NLGN4Y: variants seen among roughly 807,000 people sequenced by gnomAD.
The protein encoded by NLGN4Y is neuroligin-4, Y-linked.
In NLGN4Y, 4 loss-of-function variants were observed where a neutral mutation model predicts 8.4. That is an observed-to-expected ratio of 0.48 (90% CI 0.23 to 1.09). NLGN4Y has a LOEUF of 1.09. Among genes scored for constraint, NLGN4Y ranks in the 50% least tolerant of loss-of-function variants. The pLI is 0.19. For missense variants in NLGN4Y, 90 were observed against 192.3 expected, an observed-to-expected ratio of 0.47 and a Z score of 3.15; for synonymous variants, 35 against 75.6, an observed-to-expected ratio of 0.46 and a Z score of 2.78.
In NLGN4Y at chrY:14,843,354, T is replaced by A; in HGVS notation, c.*2092T>A. ...GGAAAGATTTCATTCCCAATTCATTTTTCATAGATCTATAATCAGGCAATT... is the reference window on the plus strand; with the variant it reads ...GGAAAGATTTCATTCCCAATTCATTATTCATAGATCTATAATCAGGCAATT... On this transcript the variant is annotated 3_prime_UTR_variant, in exon 7 of 7. Coordinates refer to ENST00000684976, the MANE Select transcript of NLGN4Y (RefSeq NM_001365588.1). 4 of 121,607 alleles carry A rather than the reference T, an allele frequency of 3.3e-5. No individual in the cohort carries two copies. Among genetic ancestry groups the A allele is most frequent in the South Asian group, 1.6e-4 (4 of 25,711 alleles). The allele number at this position is 121,607 out of a possible 400,897, so 30.3% of individuals were successfully genotyped here.
At chrY:14,792,469 G>T (rs2042988927) in intron 4 of NLGN4Y, among the ~76,000 whole-genome samples, 1 of 31,469 alleles carries the variant, frequency 3.2e-5, no homozygotes. Flanking sequence ...ATACCAACAT[G>T]AGAGACTGGG....
At chrY:14,765,028 T>G in intron 4 of NLGN4Y, among the ~76,000 whole-genome samples, 1 of 33,927 alleles carries the variant, frequency 2.9e-5, no homozygotes, top group Non-Finnish European at 7.3e-5. Context: ...CAAATACACA[T>G]AGTGATAGTT....
At chrY:14,826,338 CT>C (rs1219462661) in intron 5 of NLGN4Y, among the ~76,000 whole-genome samples, 110 of 21,998 alleles carry the variant, frequency 5.0e-3, no homozygotes, top group Non-Finnish European at 6.0e-3. Context: ...TCTTTCTTTT[CT>C]TTTTTTTTTT....
chrY:14,689,575 G>A, intron 2 of NLGN4Y, among the ~76,000 whole-genome samples: 1 of 32,919 alleles, frequency 3.0e-5, no homozygotes, highest in Non-Finnish European at 7.5e-5. Context: ...CTTATGAAAA[G>A]AGGGGGCACA....
At chrY:14,584,213 C>G in intron 1 of NLGN4Y, among the ~76,000 whole-genome samples, 1 of 33,499 alleles carries the variant, frequency 3.0e-5, no homozygotes, top group African/African-American at 1.2e-4. Flanking sequence ...CTGCAACTTC[C>G]CTGTCTCGAG....
intron 4 of NLGN4Y, among the ~76,000 whole-genome samples, chrY:14,815,296 A>G (rs2043096682): frequency 9.1e-5 from 3 of 33,142 alleles, no homozygotes; most frequent in African/African-American, 2.4e-4. Flanking sequence ...ATCTACTAGG[A>G]ACCATTCAAG....
At chrY:14,553,646 ATATAT>A (rs1320225604) in intron 1 of NLGN4Y, among the ~76,000 whole-genome samples, 1,805 of 29,373 alleles carry the variant, frequency 0.061, no homozygotes, top group East Asian at 0.052. Flanking sequence ...AAATACATAA[ATATAT>A]TATATTATAT....
intron 1 of NLGN4Y, among the ~76,000 whole-genome samples, chrY:14,561,419 T>G: frequency 3.0e-5 from 1 of 33,234 alleles, no homozygotes; most frequent in Non-Finnish European, 7.5e-5. Context: ...CTCATCCTTT[T>G]TTATGTATTC....
rs2080491951 is a variant in NLGN4Y, at chrY:14,617,159, GC to G, written c.-111-4849del. Among the ~76,000 whole-genome samples, 8 of 31,923 alleles carry G rather than the reference GC, an allele frequency of 2.5e-4. No homozygotes were observed. In the South Asian group the frequency reaches 5.8e-3, roughly 23 times the overall value. The allele number at this position is 31,923 out of a possible 37,273, so 85.6% of individuals were successfully genotyped here. A position where few individuals can be genotyped will look rare whatever the true frequency, so the allele number is the denominator to read the frequency against. The stretch of plus-strand genomic sequence containing the variant: ...GGTGTATATATATTTACGATAGTTA[GC>G]TCTTCTTGTTGAATTGATCCCTTTA... On this transcript the variant is annotated intron_variant, in intron 1 of 6. Coordinates refer to ENST00000684976, the MANE Select transcript of NLGN4Y (RefSeq NM_001365588.1).
intron 4 of NLGN4Y, among the ~76,000 whole-genome samples, chrY:14,735,654 G>C (rs2150560917): frequency 6.0e-5 from 2 of 33,444 alleles, no homozygotes; most frequent in East Asian, 1.6e-3. Context: ...AGTGACTTTG[G>C]AACTGGGTTA....
At chrY:14,709,582 G>A in intron 2 of NLGN4Y, among the ~76,000 whole-genome samples, 2 of 33,023 alleles carry the variant, frequency 6.1e-5, no homozygotes, top group African/African-American at 1.2e-4. Flanking sequence ...GAATGGTGGC[G>A]CAGGCCTGTA....
At chrY:14,620,743 G>T in intron 1 of NLGN4Y, among the ~76,000 whole-genome samples, 1 of 33,598 alleles carries the variant, frequency 3.0e-5, no homozygotes, top group Non-Finnish European at 7.4e-5. Flanking sequence ...CTAGTGAAAC[G>T]TTTTCTGTCC....
intron 2 of NLGN4Y, among the ~76,000 whole-genome samples, chrY:14,717,174 A>G: frequency 5.9e-5 from 2 of 33,687 alleles, no homozygotes; most frequent in Non-Finnish European, 1.5e-4. Context: ...CGGGCGGATC[A>G]CGAGGTCAGG....
intron 4 of NLGN4Y, among the ~76,000 whole-genome samples, chrY:14,740,213 C>T: frequency 3.0e-5 from 1 of 33,255 alleles, no homozygotes; most frequent in South Asian, 6.8e-4. Context: ...TCAGCAGATG[C>T]CTCTTCCACT....
chrY:14,617,739 GT>G (rs2080495369), intron 1 of NLGN4Y, among the ~76,000 whole-genome samples: 1 of 32,499 alleles, frequency 3.1e-5, no homozygotes, highest in Non-Finnish European at 7.5e-5. Flanking sequence ...AGAGATGGAT[GT>G]TTTTTTCTAT....
chrY:14,648,009 T>C, intron 2 of NLGN4Y, among the ~76,000 whole-genome samples: 8 of 34,750 alleles, frequency 2.3e-4, no homozygotes, highest in Admixed American at 2.1e-3. Flanking sequence ...ATTAACATCA[T>C]TGTTGCCAGT....
chrY:14,836,776 C>T (rs1030171195), intron 6 of NLGN4Y, among the ~76,000 whole-genome samples: 5 of 33,032 alleles, frequency 1.5e-4, no homozygotes, highest in African/African-American at 4.7e-4. Context: ...TGAGCCACTG[C>T]GCCCAGCCAA....
At chrY:14,588,746 C>T (rs2150489895) in intron 1 of NLGN4Y, among the ~76,000 whole-genome samples, 2 of 33,168 alleles carry the variant, frequency 6.0e-5, no homozygotes, top group African/African-American at 2.4e-4. Flanking sequence ...CGGACCCTCG[C>T]GGTGAGTGTT....
intron 1 of NLGN4Y, among the ~76,000 whole-genome samples, chrY:14,598,148 G>C: frequency 2.9e-5 from 1 of 34,984 alleles, no homozygotes; most frequent in East Asian, 7.7e-4. Context: ...AGTGGATCCC[G>C]CACTGGGGCT....
Sources: allele counts gnomAD v4.1 joint callset (sites outside exome capture counted in the v4.1 genomes callset), GRCh38; gene constraint gnomAD v4.1.1; transcripts MANE v1.5; gene names NCBI Gene and HGNC (gene_info 2026-07-23, HGNC 2026-07-21).